The following ARHGEF10L variants were observed in gnomAD, a reference collection of about 807,000 sequenced individuals.
The protein encoded by ARHGEF10L is Rho guanine nucleotide exchange factor 10 like.
Under a neutral mutation model 141.2 loss-of-function variants are expected in ARHGEF10L, and 69 were observed. The ratio of observed to expected loss-of-function variants is 0.49; its 90% CI spans 0.40 to 0.60. The LOEUF (loss-of-function observed/expected upper bound fraction) is 0.60, where lower values mean the gene tolerates loss of function less well. Among genes scored for constraint, ARHGEF10L ranks in the 20% least tolerant of loss-of-function variants. ARHGEF10L has a pLI of 0.00. For synonymous variants in ARHGEF10L, 711 were observed against 718.5 expected (o/e 0.99, Z 0.17); for missense variants, 1,482 against 1,734.3 (o/e 0.85, Z 2.58).
rs1378497142 is a variant in ARHGEF10L, at chr1:17,658,563, G to T, written c.2860+1855G>T. Among the ~76,000 whole-genome samples the T allele has an allele frequency of 2.0e-5, 3 of 152,294 alleles. No homozygotes were observed. The South Asian group carries it at 6.2e-4, about 32-fold the overall frequency. Reference sequence around the variant, plus strand: ...GTCCAGGTAGAGTGGAGGACATGGGGTCTGAAGGCTGAGATGTTCTACCAG... The same window carrying T: ...GTCCAGGTAGAGTGGAGGACATGGGTTCTGAAGGCTGAGATGTTCTACCAG... On this transcript the variant is annotated intron_variant, in intron 25 of 28. Transcript: ENST00000361221.
intron 27 of ARHGEF10L, among the ~76,000 whole-genome samples, chr1:17,693,157 A>C (rs987863615): frequency 3.3e-5 from 5 of 152,232 alleles, no homozygotes; most frequent in Admixed American, 6.5e-5. Context: ...ACAATGAAAG[A>C]AAATAACACA....
chr1:17,677,604 G>C (rs1024429526), intron 26 of ARHGEF10L, among the ~76,000 whole-genome samples: 3 of 151,326 alleles, frequency 2.0e-5, no homozygotes, highest in South Asian at 2.1e-4. Flanking sequence ...AGGGAGATCA[G>C]GGGGGGAGAG....
chr1:17,515,367 C>T, the ARHGEF10L span, among the ~76,000 whole-genome samples: 12 of 151,068 alleles, frequency 7.9e-5, no homozygotes, highest in African/African-American at 2.4e-4. Context: ...GATCTCGGCT[C>T]ACTGCAACCT....
rs1363064745 is a variant in ARHGEF10L at position 17,601,069 on chromosome 1, C to CAAAA, written c.258-1055_258-1052dup. Among the ~76,000 whole-genome samples the CAAAA allele has an allele frequency of 7.5e-3, 985 of 130,784 alleles. 13 individuals are homozygous for CAAAA. The highest frequency in any genetic ancestry group is 9.9e-3 in the Non-Finnish European group (614 of 62,202). The allele number at this position is 130,784 out of a possible 152,430, so 85.8% of individuals were successfully genotyped here. On this transcript the variant is annotated intron_variant, in intron 4 of 28. Coordinates refer to ENST00000361221, the MANE Select transcript of ARHGEF10L (RefSeq NM_018125.4). Reference sequence around the variant, plus strand: ...TGTCTCAAAAAAAAAAAAAAAAAAACAAAAAACAAAAAACTCTAAAAAAAC... The same window carrying CAAAA: ...TGTCTCAAAAAAAAAAAAAAAAAAACAAAAAAAAAACAAAAAACTCTAAAAAAAC...
Position 17,619,869 on chromosome 1 carries a change from C to T in ARHGEF10L, c.942+424C>T, listed in dbSNP as rs182690132. ...CTGGGCCTCAGAGCTGCCACAAGCTCCCACCAGGAACTGAGGCTCTTTAAG... is the reference window on the plus strand; with the variant it reads ...CTGGGCCTCAGAGCTGCCACAAGCTTCCACCAGGAACTGAGGCTCTTTAAG... On this transcript the variant is annotated intron_variant, in intron 10 of 28. Transcript: ENST00000361221. This position sits in a 1 kb window ranked among gnomAD's most constrained non-coding sequence, Gnocchi z 5.0. 6.6e-6 allele frequency among the ~76,000 whole-genome samples: 1 copy of T among 152,082 alleles called. No individual in the cohort carries two copies. Among genetic ancestry groups the T allele is most frequent in the Non-Finnish European group, 1.5e-5 (1 of 68,028 alleles).
Position 17,587,584 on chromosome 1 carries a change from C to A in ARHGEF10L, c.162C>A (p.Ser54Arg). 1.2e-6 allele frequency: 2 copies of A among 1,614,156 alleles called. No homozygotes were observed. Among genetic ancestry groups the A allele is most frequent in the Non-Finnish European group, 1.7e-6 (2 of 1,180,028 alleles). Residue 54 changes from serine to arginine, a missense_variant, in exon 3 of 29, where the codon AGC (serine) becomes AGA (arginine). This residue lies in a region of ARHGEF10L where 232 missense variants were observed against 225.9 expected (regional missense o/e 1.03). Coordinates refer to ENST00000361221, the MANE Select transcript of ARHGEF10L (RefSeq NM_018125.4). ...CCAGCGCAGCCCTGGGCGTCCCCAGCCTTGCTCCTGAGAGGGACACAGACC... is the reference window on the plus strand; with the variant it reads ...CCAGCGCAGCCCTGGGCGTCCCCAGACTTGCTCCTGAGAGGGACACAGACC... Reference protein sequence around the residue: ...EDTSAALGVPSLAPERDTDPP... With the variant: ...EDTSAALGVPRLAPERDTDPP...
chr1:17,576,601 C>T (rs2078235484), intron 1 of ARHGEF10L, among the ~76,000 whole-genome samples: 1 of 152,156 alleles, frequency 6.6e-6, no homozygotes, highest in Non-Finnish European at 1.5e-5. Context: ...CCTATAACCC[C>T]ACCACCCAAG....
chr1:17,548,965 T>C (rs2077015237), intron 1 of ARHGEF10L, among the ~76,000 whole-genome samples: 1 of 151,164 alleles, frequency 6.6e-6, no homozygotes, highest in African/African-American at 2.4e-5. Context: ...TGGCATATTC[T>C]GATCCTTTTC....
chr1:17,546,942 G>C (rs547212464), intron 1 of ARHGEF10L, among the ~76,000 whole-genome samples: 2 of 152,302 alleles, frequency 1.3e-5, no homozygotes, highest in Admixed American at 6.5e-5. Context: ...CATTATCTCT[G>C]TTTTGCCTCC....
In ARHGEF10L at chr1:17,585,598, G is replaced by A. The variant is rs116612133; in HGVS notation, c.38-1862G>A. ...ACTTCTCATTCTGGGGAGGGAGGGC[G>A]TACTCTGGGCTTCCATTGCAGTCGA... On this transcript the variant is annotated intron_variant, in intron 2 of 28. Transcript: ENST00000361221. Among the ~76,000 whole-genome samples the A allele has an allele frequency of 3.8e-3, 572 of 152,292 alleles. 4 individuals are homozygous for A. Among genetic ancestry groups the A allele is most frequent in the Middle Eastern group, 0.027 (8 of 294 alleles).
At chr1:17,649,027 G>C (rs1258661121) in intron 22 of ARHGEF10L, among the ~76,000 whole-genome samples, 4 of 152,258 alleles carry the variant, frequency 2.6e-5, no homozygotes, top group African/African-American at 4.8e-5. Context: ...CGCCAGGCGG[G>C]AGCCGGCTTT....
At chr1:17,658,422 G>A (rs544442457) in intron 25 of ARHGEF10L, among the ~76,000 whole-genome samples, 72 of 152,174 alleles carry the variant, frequency 4.7e-4, no homozygotes, top group East Asian at 3.7e-3. Flanking sequence ...TGAACCCCAC[G>A]CCCTCATTTT....
At chr1:17,533,106 T>G in the ARHGEF10L span, among the ~76,000 whole-genome samples, 3 of 152,212 alleles carry the variant, frequency 2.0e-5, no homozygotes, top group African/African-American at 7.2e-5. Flanking sequence ...GAAATAAAAA[T>G]CCACTCAAGT....
intron 8 of ARHGEF10L, among the ~76,000 whole-genome samples, chr1:17,613,723 G>A (rs572201499): frequency 3.3e-5 from 5 of 152,348 alleles, no homozygotes; most frequent in East Asian, 3.9e-4. Flanking sequence ...TGATGATATC[G>A]ACAACAGTAG....
At chr1:17,533,571 C>T in the ARHGEF10L span, among the ~76,000 whole-genome samples, 3 of 152,162 alleles carry the variant, frequency 2.0e-5, no homozygotes, top group Non-Finnish European at 4.4e-5. Flanking sequence ...GGAAGTGAGG[C>T]GTCCTTTGAC....
At chr1:17,653,409 C>T (rs940293479) in intron 22 of ARHGEF10L, among the ~76,000 whole-genome samples, 10 of 152,228 alleles carry the variant, frequency 6.6e-5, no homozygotes, top group African/African-American at 2.2e-4. Context: ...ATCTTCGACC[C>T]GGCTCTGTTG....
chr1:17,591,313 G>A (rs2079519271), intron 4 of ARHGEF10L, among the ~76,000 whole-genome samples: 1 of 151,774 alleles, frequency 6.6e-6, no homozygotes, highest in South Asian at 2.1e-4. Context: ...TGTGATCATG[G>A]CTCACTGCAT....
At chr1:17,614,305 AGC>A (rs1281815206) in intron 8 of ARHGEF10L, among the ~76,000 whole-genome samples, 1 of 152,232 alleles carries the variant, frequency 6.6e-6, no homozygotes, top group Non-Finnish European at 1.5e-5. Context: ...CCTCTCAGGA[AGC>A]CAAGGCTTAG....
Position 17,655,863 on chromosome 1 carries a change from G to A in ARHGEF10L, c.2482-16G>A. The A allele has an allele frequency of 6.5e-7, 1 of 1,549,748 alleles. No homozygotes were observed. Among genetic ancestry groups the A allele is most frequent in the East Asian group, 2.4e-5 (1 of 41,376 alleles). On this transcript the variant is annotated splice_polypyrimidine_tract_variant and intron_variant, in intron 23 of 28. Transcript: ENST00000361221. Reference sequence around the variant, plus strand: ...GTGGTTCCCACCTGATGGCCTCTCTGGGTCTCTGCTCCCAGGTCGGGGGCG... The same window carrying A: ...GTGGTTCCCACCTGATGGCCTCTCTAGGTCTCTGCTCCCAGGTCGGGGGCG...
Sources: allele counts gnomAD v4.1 joint callset (sites outside exome capture counted in the v4.1 genomes callset), GRCh38; gene constraint gnomAD v4.1.1; regional missense constraint gnomAD v4.1.1; non-coding constraint Gnocchi (gnomAD v3.1); transcripts MANE v1.5; gene names NCBI Gene and HGNC (gene_info 2026-07-23, HGNC 2026-07-21).